The following FANCI variants were observed in gnomAD, a reference collection of about 807,000 sequenced individuals.
The protein encoded by FANCI is Fanconi anemia group I protein.
Under a neutral mutation model 176.1 loss-of-function variants are expected in FANCI, and 156 were observed. The observed-to-expected ratio is 0.89, with a 90% confidence interval of 0.78 to 1.01. FANCI has a LOEUF of 1.01. Among genes scored for constraint, FANCI ranks in the 50% least tolerant of loss-of-function variants. FANCI has a pLI of 0.00. For missense variants in FANCI, 1,678 were observed against 1,534.1 expected (o/e 1.09, Z -1.57); for synonymous variants, 613 against 541.7 (o/e 1.13, Z -1.83).
At position 89,294,790 on chromosome 15, in the gene FANCI, C is replaced by T. The variant is rs1033762340; in HGVS notation, c.2457-125C>T. The T allele has an allele frequency of 2.7e-5, 25 of 938,170 alleles. No individual in the cohort carries two copies. In the Admixed American group the frequency reaches 2.8e-4, roughly 10 times the overall value. 58.1% of individuals were successfully genotyped at this position (938,170 alleles called of 1,614,324 possible). On this transcript the variant is annotated intron_variant, in intron 23 of 37. Transcript: ENST00000310775. ...TGGGCTGCCTAGAGAGTCTGCCAGTCGGAACTTACTGGCAAGCTCTGTTGG... is the reference window on the plus strand; with the variant it reads ...TGGGCTGCCTAGAGAGTCTGCCAGTTGGAACTTACTGGCAAGCTCTGTTGG...
At chr15:89,312,454 C>T (rs1480333143) in intron 34 of FANCI, among the ~76,000 whole-genome samples, 1 of 152,240 alleles carries the variant, frequency 6.6e-6, no homozygotes, top group Non-Finnish European at 1.5e-5. Context: ...TATCTTCTAA[C>T]ATCTGTTGCA....
At chr15:89,276,131 T>TG in intron 12 of FANCI, among the ~76,000 whole-genome samples, 1 of 152,370 alleles carries the variant, frequency 6.6e-6, no homozygotes, top group African/African-American at 2.4e-5. Context: ...ATTTCCACTG[T>TG]GGGGTATAAC....
chr15:89,263,024 G>A (rs1419498772), intron 6 of FANCI, among the ~76,000 whole-genome samples: 1 of 152,212 alleles, frequency 6.6e-6, no homozygotes, highest in Non-Finnish European at 1.5e-5. Context: ...ATGAGCCACT[G>A]CACCTGGCCT....
At chr15:89,290,048 A>G (rs1004611114) in intron 18 of FANCI, among the ~76,000 whole-genome samples, 165 bp from the exon 19 acceptor site, 1 of 151,898 alleles carries the variant, frequency 6.6e-6, no homozygotes, top group Non-Finnish European at 1.5e-5. Context: ...TTTGGGTGGG[A>G]AAAAAATATG....
chr15:89,271,864 A>G (rs1321712491), intron 10 of FANCI, among the ~76,000 whole-genome samples: 8 of 152,242 alleles, frequency 5.3e-5, no homozygotes, highest in Non-Finnish European at 1.2e-4. Flanking sequence ...GCTGGTGGAC[A>G]TTTGAATTGT....
chr15:89,279,209 G>A (rs933057990), intron 14 of FANCI, among the ~76,000 whole-genome samples: 12 of 152,104 alleles, frequency 7.9e-5, no homozygotes, highest in African/African-American at 2.4e-4. Flanking sequence ...GTTGCCTGGA[G>A]TGCAGTGGCG....
At chr15:89,313,010 G>GGT (rs767027826) in intron 35 of FANCI, 38 bp downstream of exon 35, 1 of 1,590,640 alleles carries the variant, frequency 6.3e-7, no homozygotes, top group East Asian at 2.2e-5. Context: ...TATGCTTGTT[G>GGT]GTGAACCCGA....
chr15:89,288,525 A>G (rs569253452), intron 18 of FANCI, among the ~76,000 whole-genome samples: 7 of 150,730 alleles, frequency 4.6e-5, no homozygotes, highest in Admixed American at 2.6e-4. Context: ...CCAGATTGCC[A>G]TTTGCTTTTT....
In FANCI at chr15:89,316,513, A is replaced by G. The variant is rs536260762; in HGVS notation, c.*54A>G. 1.8e-5 allele frequency: 27 copies of G among 1,542,034 alleles called. No homozygotes were observed. The South Asian group carries it at 3.1e-4, about 18-fold the overall frequency. ...GGGGCTTCTGCTTCATTTTTACCCA[A>G]CAAGCAACAATGCCCCTTGTCCTGT... On this transcript the variant is annotated 3_prime_UTR_variant, in exon 38 of 38. Transcript: ENST00000310775.
chr15:89,272,770 A>G (rs2053247815), intron 10 of FANCI, among the ~76,000 whole-genome samples: 1 of 152,014 alleles, frequency 6.6e-6, no homozygotes, highest in Non-Finnish European at 1.5e-5. Context: ...CCCAGATTCA[A>G]GTGATTCTCC....
At chr15:89,263,881 C>G in intron 7 of FANCI, 22 bp from the exon 8 acceptor site, 2 of 1,613,996 alleles carry the variant, frequency 1.2e-6, no homozygotes, top group South Asian at 1.1e-5. Context: ...TGTCTATAGC[C>G]TTTAGAATCT....
intron 3 of FANCI, 34 bp from the exon 4 acceptor site, chr15:89,260,679 A>G (rs1214309678): frequency 1.2e-6 from 2 of 1,611,692 alleles, no homozygotes; most frequent in Admixed American, 3.3e-5. Context: ...ATGTTGTAAG[A>G]CTTGTTTCTG....
intron 24 of FANCI, among the ~76,000 whole-genome samples, chr15:89,296,419 T>TTTTTTTGTTTTG (rs1555448324): frequency 1.7e-4 from 23 of 133,810 alleles, no homozygotes; most frequent in Middle Eastern, 3.7e-3. Flanking sequence ...TTTTTCGTTT[T>TTTTTTTGTTTTG]TTTTGTTTTG....
intron 32 of FANCI, among the ~76,000 whole-genome samples, 188 bp from the exon 33 acceptor site, chr15:89,307,288 T>C (rs565716758): frequency 1.3e-5 from 2 of 152,330 alleles, no homozygotes; most frequent in Non-Finnish European, 2.9e-5. Flanking sequence ...AAACCCTTCA[T>C]TACTTATTGT....
At chr15:89,260,978 G>C (rs1274773432) in intron 4 of FANCI, 135 bp downstream of exon 4, 4 of 1,162,966 alleles carry the variant, frequency 3.4e-6, no homozygotes, top group Non-Finnish European at 3.8e-6. Context: ...AAAAAACAAA[G>C]AAGCAGGCCG....
chr15:89,258,854 G>A lies in FANCI; in HGVS notation c.157+78G>A, dbSNP rs963339667. The A allele has an allele frequency of 1.0e-5, 11 of 1,081,920 alleles. No individual in the cohort carries two copies. Among genetic ancestry groups the A allele is most frequent in the East Asian group, 4.7e-5 (2 of 42,262 alleles). 67.0% of individuals were successfully genotyped at this position (1,081,920 alleles called of 1,614,324 possible). A position where few individuals can be genotyped will look rare whatever the true frequency, so the allele number is the denominator to read the frequency against. On this transcript the variant is annotated intron_variant, in intron 3 of 37. Transcript: ENST00000310775. ...TGTTTAGTTTTCGTACTTTTCTTACGGTTTGAAGCCCCACTGGAACATTTT... is the reference window on the plus strand; with the variant it reads ...TGTTTAGTTTTCGTACTTTTCTTACAGTTTGAAGCCCCACTGGAACATTTT...
chr15:89,252,399 C>T (rs923422028), intron 2 of FANCI, among the ~76,000 whole-genome samples: 78 of 151,692 alleles, frequency 5.1e-4, no homozygotes, highest in African/African-American at 1.3e-3. Flanking sequence ...CATCTATAAA[C>T]GAATTCATCA....
chr15:89,276,170 C>T (rs996995144), intron 12 of FANCI, among the ~76,000 whole-genome samples: 2 of 152,182 alleles, frequency 1.3e-5, no homozygotes, highest in African/African-American at 2.4e-5. Flanking sequence ...ACCAATGATT[C>T]TACTCTTTTA....
chr15:89,301,178 G>C, intron 26 of FANCI, 148 bp from the exon 27 acceptor site: 1 of 720,816 alleles, frequency 1.4e-6, no homozygotes, highest in Admixed American at 1.9e-5. Context: ...GCTCAATTCA[G>C]GTGTATTTTC....
Sources: gnomAD v4.1 joint callset for allele counts (sites outside exome capture counted in the v4.1 genomes callset) on GRCh38, gnomAD v4.1.1 for gene constraint, MANE v1.5 for transcripts, NCBI Gene and HGNC (gene_info 2026-07-23, HGNC 2026-07-21) for gene names.